Variants in SCNN1B observed in about 807,000 individuals in gnomAD.
SCNN1B encodes the protein epithelial sodium channel subunit beta.
Under a neutral mutation model 65.3 loss-of-function variants are expected in SCNN1B, and 46 were observed. That is an observed-to-expected ratio of 0.70 (90% confidence interval 0.56 to 0.90). SCNN1B has a LOEUF of 0.90. SCNN1B is among the 40% of genes least tolerant of loss of function. The pLI is 0.00. For synonymous variants in SCNN1B, 349 were observed against 330.6 expected, an observed-to-expected ratio of 1.06 and a Z score of -0.60; for missense variants, 751 against 830.5, an observed-to-expected ratio of 0.90 and a Z score of 1.18.
At chr16:23,282,052 G>A (rs990223725) in intron 1 of SCNN1B, among the ~76,000 whole-genome samples, 3 of 151,996 alleles carry the variant, frequency 2.0e-5, no homozygotes, top group Non-Finnish European at 2.9e-5. Flanking sequence ...AAATTAGCCT[G>A]GCATGGAGAC....
intron 1 of SCNN1B, among the ~76,000 whole-genome samples, chr16:23,303,066 A>C (rs2141977440): frequency 6.6e-6 from 1 of 152,276 alleles, no homozygotes; most frequent in East Asian, 1.9e-4. Flanking sequence ...AGGAGGCCAG[A>C]TCCGAACGCC....
chr16:23,344,241 C>G (rs1287145083), intron 1 of SCNN1B, among the ~76,000 whole-genome samples: 3 of 152,228 alleles, frequency 2.0e-5, no homozygotes, highest in Non-Finnish European at 4.4e-5. Context: ...CCCATTCTAA[C>G]TAGATACTGT....
At chr16:23,294,526 G>C (rs748559155) in intron 2 of SCNN1B, among the ~76,000 whole-genome samples, 2 of 144,256 alleles carry the variant, frequency 1.4e-5, no homozygotes, top group Non-Finnish European at 3.0e-5. Context: ...TTCCTGTCTG[G>C]ACACACTGGT....
At chr16:23,378,559 C>A (rs540585055) in intron 10 of SCNN1B, 147 bp from the exon 11 acceptor site, 494 of 748,842 alleles carry the variant, frequency 6.6e-4, no homozygotes, top group Non-Finnish European at 1.0e-3. Flanking sequence ...CCACTACGAC[C>A]TTCCTCCTGC....
At position 23,380,292 on chromosome 16, in the gene SCNN1B, TA is replaced by T; in HGVS notation, c.1542+124del. ...GAAGATCCCTAAGACAGTCCCAAGT[TA>T]TTCCCCTGGGCCAAGATGGTCACCC... On this transcript the variant is annotated intron_variant, in intron 12 of 12. Coordinates refer to ENST00000343070, the MANE Select transcript of SCNN1B (RefSeq NM_000336.3). The surrounding 1 kb of genome is among the most constrained non-coding windows in gnomAD (Gnocchi z 5.4). The T allele has an allele frequency of 1.3e-6, 2 of 1,515,676 alleles. No homozygotes were observed. The highest frequency in any genetic ancestry group is 4.5e-5 in the East Asian group (2 of 44,358). The allele number at this position is 1,515,676 out of a possible 1,614,324, so 93.9% of individuals were successfully genotyped here.
At chr16:23,326,523 G>A (rs568377848) in intron 1 of SCNN1B, among the ~76,000 whole-genome samples, 2 of 152,188 alleles carry the variant, frequency 1.3e-5, no homozygotes, top group Admixed American at 1.3e-4. Flanking sequence ...GGAGTGCTGT[G>A]GTGTGATTTC....
chr16:23,346,826 G>T (rs1309294523), intron 1 of SCNN1B, among the ~76,000 whole-genome samples: 1 of 151,384 alleles, frequency 6.6e-6, no homozygotes, highest in East Asian at 1.9e-4. Flanking sequence ...AATAAAAATC[G>T]CTGACACTTA....
chr16:23,337,641 G>T (rs1961971847), intron 1 of SCNN1B, among the ~76,000 whole-genome samples: 1 of 151,884 alleles, frequency 6.6e-6, no homozygotes, highest in Non-Finnish European at 1.5e-5. Flanking sequence ...GCCTCCCAAA[G>T]TGCTGTGATT....
At chr16:23,344,991 C>T (rs152728) in intron 1 of SCNN1B, among the ~76,000 whole-genome samples, 56,109 of 149,826 alleles carry the variant, frequency 0.37, 10,586 homozygotes, top group East Asian at 0.63. Context: ...GAGAGCCTGT[C>T]GAGAGAGAGG....
intron 2 of SCNN1B, among the ~76,000 whole-genome samples, chr16:23,350,859 G>C (rs971127348): frequency 6.6e-6 from 1 of 152,088 alleles, no homozygotes; most frequent in African/African-American, 2.4e-5. Context: ...GTTGCAGTGA[G>C]CCGAGATCTC....
rs1429039403 is a variant in SCNN1B, at chr16:23,343,509, A to AGGAAGGAAGGAAGGAAGGAAAAGG, written c.-8-5083_-8-5082insGGAAGGAAGGAAGGAAGGAAAAGG. The stretch of plus-strand genomic sequence containing the variant: ...AAGGAAGGAAGGAAGGAAGGAAGGA[A>AGGAAGGAAGGAAGGAAGGAAAAGG]AAGGAAGGAAGGAAGGAAGAAAGAG... On this transcript the variant is annotated intron_variant, in intron 1 of 12. Coordinates refer to ENST00000343070, the MANE Select transcript of SCNN1B (RefSeq NM_000336.3). Among the ~76,000 whole-genome samples the AGGAAGGAAGGAAGGAAGGAAAAGG allele has an allele frequency of 2.6e-5, 2 of 76,476 alleles. 1 individual carries two copies. The highest frequency in any genetic ancestry group is 1.1e-4 in the African/African-American group (2 of 17,872). The allele number at this position is 76,476 out of a possible 152,430, so 50.2% of individuals were successfully genotyped here. A position where few individuals can be genotyped will look rare whatever the true frequency, so the allele number is the denominator to read the frequency against.
At chr16:23,368,147 C>A (rs910194071) in intron 5 of SCNN1B, among the ~76,000 whole-genome samples, 188 bp downstream of exon 5, 1 of 152,146 alleles carries the variant, frequency 6.6e-6, no homozygotes. Context: ...CAGCCATTCC[C>A]GCCCACAATG....
chr16:23,297,770 A>T (rs1489948057), upstream of SCNN1B, among the ~76,000 whole-genome samples: 1 of 152,174 alleles, frequency 6.6e-6, no homozygotes, highest in East Asian at 1.9e-4. Context: ...GGCCATATCC[A>T]CCCTGAATGG....
chr16:23,292,971 G>A (rs1000066077), intron 2 of SCNN1B, among the ~76,000 whole-genome samples: 6 of 151,122 alleles, frequency 4.0e-5, no homozygotes, highest in South Asian at 2.1e-4. Context: ...AAACATTAGC[G>A]AGGCATGGTG....
In SCNN1B at chr16:23,348,895, A is replaced by T. The variant is rs1215427557; in HGVS notation, c.296A>T (p.Asn99Ile). The change falls in exon 2 of 13, where the codon AAT (asparagine) becomes ATT (isoleucine). Residue 99 changes from asparagine (N) to isoleucine (I), a missense_variant. Transcript: ENST00000343070. The surrounding 1 kb of genome is among the most constrained non-coding windows in gnomAD (Gnocchi z 4.5). ...TMDFPAVTIC[N>I]ASPFKYSKIK... is the part of the protein sequence containing the mutation. ...GACTTCCCTGCCGTCACCATCTGCA[A>T]TGCTAGCCCCTTCAAGTAGGTGGCC... 6.2e-7 allele frequency: 1 copy of T among 1,613,980 alleles called. No homozygotes were observed. The highest frequency in any genetic ancestry group is 8.5e-7 in the Non-Finnish European group (1 of 1,179,992).
upstream of SCNN1B, among the ~76,000 whole-genome samples, chr16:23,299,612 A>G (rs1961045516): frequency 6.6e-6 from 1 of 152,240 alleles, no homozygotes; most frequent in African/African-American, 2.4e-5. Flanking sequence ...ACTGGTCATT[A>G]CAGAAATGCA....
chr16:23,369,518 G>A (rs1392119026), intron 5 of SCNN1B, among the ~76,000 whole-genome samples: 2 of 152,172 alleles, frequency 1.3e-5, no homozygotes, highest in Non-Finnish European at 2.9e-5. Context: ...CTAGAGAGGG[G>A]CTGGTGGACT....
chr16:23,380,504 GATC>G lies in SCNN1B; in HGVS notation c.1633_1635del (p.Ile545del). 6.2e-7 allele frequency: 1 copy of G among 1,614,250 alleles called. No homozygotes were observed. The highest frequency in any genetic ancestry group is 8.5e-7 in the Non-Finnish European group (1 of 1,180,040). ...TGCTGTGCCTCATCGAGTTTGGGGAGATCATCATCGACTTTGTGTGGATCACCA... is the reference window on the plus strand; with the variant it reads ...TGCTGTGCCTCATCGAGTTTGGGGAGATCATCGACTTTGTGTGGATCACCA... On this transcript the variant is annotated inframe_deletion, in exon 13 of 13. Coordinates refer to ENST00000343070, the MANE Select transcript of SCNN1B (RefSeq NM_000336.3). This position sits in a 1 kb window ranked among gnomAD's most constrained non-coding sequence, Gnocchi z 5.4.
chr16:23,365,744 A>G (rs1054312450), intron 4 of SCNN1B, among the ~76,000 whole-genome samples: 3 of 152,164 alleles, frequency 2.0e-5, no homozygotes, highest in Non-Finnish European at 4.4e-5. Context: ...CTAGCCTAGC[A>G]CCCACCTCAA....
Sources: gnomAD v4.1 joint callset for allele counts (sites outside exome capture counted in the v4.1 genomes callset) on GRCh38, gnomAD v4.1.1 for gene constraint, Gnocchi (gnomAD v3.1) non-coding constraint, MANE v1.5 for transcripts, NCBI Gene and HGNC (gene_info 2026-07-23, HGNC 2026-07-21) for gene names.